Variants in PCAT7 observed in about 807,000 individuals in gnomAD.
PCAT7 encodes the protein prostate cancer associated transcript 7, also known as prostate cancer associated transcript 7 (non-protein coding).
At chr9:94,565,023 T>TAA (rs1827165274) in intron 2 of PCAT7, among the ~76,000 whole-genome samples, 1 of 152,176 alleles carries the variant, frequency 6.6e-6, no homozygotes, top group South Asian at 2.1e-4. Context: ...ATATTATATA[T>TAA]AATGAAACAT....
intron 2 of PCAT7, among the ~76,000 whole-genome samples, chr9:94,561,254 G>C (rs1827094700): frequency 6.6e-6 from 1 of 150,874 alleles, no homozygotes; most frequent in Non-Finnish European, 1.5e-5. Flanking sequence ...AGTTACTTTT[G>C]TTCTGACCTC....
chr9:94,568,200 C>G (rs1827221471), intron 2 of PCAT7: 1 of 151,882 alleles, frequency 6.6e-6, no homozygotes, highest in Admixed American at 6.6e-5. Flanking sequence ...TATTCAGTTT[C>G]TGGTATCCCA....
chr9:94,554,884 A>G (rs1197614889), upstream of PCAT7, among the ~76,000 whole-genome samples: 1 of 152,180 alleles, frequency 6.6e-6, no homozygotes, highest in Non-Finnish European at 1.5e-5. Flanking sequence ...CATAAGTGCC[A>G]GAAATGACGC....
chr9:94,571,996 C>A (rs1390741600), intron 2 of PCAT7, among the ~76,000 whole-genome samples: 1 of 152,150 alleles, frequency 6.6e-6, no homozygotes, highest in Non-Finnish European at 1.5e-5. Flanking sequence ...GCAGATAGCA[C>A]CATCACCTCC....
chr9:94,559,070 C>G (rs748384122), exon 2 of PCAT7: 1 of 1,614,050 alleles, frequency 6.2e-7, no homozygotes, highest in Non-Finnish European at 8.5e-7. Context: ...TCCCCGTGGT[C>G]GCCAAGCCTC....
At chr9:94,560,935 C>G (rs1299369005) in intron 2 of PCAT7, among the ~76,000 whole-genome samples, 1 of 151,894 alleles carries the variant, frequency 6.6e-6, no homozygotes, top group Non-Finnish European at 1.5e-5. Flanking sequence ...AGACCTCTGG[C>G]TCTTAAAGTA....
rs73653486 is a variant in PCAT7, at chr9:94,571,348, T to C, written n.442-1631T>C. 6.2e-3 allele frequency: 7,162 copies of C among 1,155,350 alleles called. 296 individuals carry two copies. The African/African-American group carries it at 0.09, about 15-fold the overall frequency. 71.6% of individuals were successfully genotyped at this position (1,155,350 alleles called of 1,614,324 possible). A position where few individuals can be genotyped will look rare whatever the true frequency, so the allele number is the denominator to read the frequency against. The stretch of plus-strand genomic sequence containing the variant: ...CCCCAAACTAGGCTCTCAGGACCCC[T>C]GGTCCCCAAAACAAGTATTAGGAAT... On this transcript the variant is annotated intron_variant and non_coding_transcript_variant, in intron 2 of 8. Coordinates refer to ENST00000647389, the Ensembl canonical transcript of PCAT7.
intron 2 of PCAT7, chr9:94,567,751 A>G (rs1169279700): frequency 4.6e-6 from 1 of 217,610 alleles, no homozygotes; most frequent in African/African-American, 2.3e-5. Context: ...TCTCACCCGC[A>G]GATTAATGTT....
chr9:94,559,549 G>A (rs76423574), intron 2 of PCAT7, among the ~76,000 whole-genome samples: 5,657 of 152,150 alleles, frequency 0.037, 362 homozygotes, highest in African/African-American at 0.13. Flanking sequence ...GGACAGTAAG[G>A]TCACCTTGAC....
chr9:94,566,394 C>T (rs952473707), intron 2 of PCAT7, among the ~76,000 whole-genome samples: 7 of 152,266 alleles, frequency 4.6e-5, no homozygotes, highest in Admixed American at 1.3e-4. Context: ...AACAATAGCA[C>T]GAGTGATCTG....
intron 2 of PCAT7, among the ~76,000 whole-genome samples, chr9:94,572,379 A>T (rs529158722): frequency 2.2e-4 from 33 of 152,216 alleles, no homozygotes; most frequent in Admixed American, 3.9e-4. Flanking sequence ...TAGATTAGTG[A>T]TTCAAACTGG....
chr9:94,560,117 C>T (rs1827075093), intron 2 of PCAT7, among the ~76,000 whole-genome samples: 1 of 152,146 alleles, frequency 6.6e-6, no homozygotes, highest in African/African-American at 2.4e-5. Flanking sequence ...AGAGCAAGAG[C>T]CTGTCTCAAA....
chr9:94,567,417 T>C (rs373644937), intron 2 of PCAT7: 1 of 1,612,660 alleles, frequency 6.2e-7, no homozygotes. Flanking sequence ...CCTAGCAACA[T>C]GAAGAGAGAT....
chr9:94,559,466 A>G (rs1481506914), intron 2 of PCAT7, among the ~76,000 whole-genome samples: 1 of 151,970 alleles, frequency 6.6e-6, no homozygotes, highest in Non-Finnish European at 1.5e-5. Flanking sequence ...CAAGAAGCAA[A>G]CTGATGCTGC....
Position 94,571,554 on chromosome 9 carries a change from T to G in PCAT7, n.442-1425T>G, listed in dbSNP as rs1269483618. On this transcript the variant is annotated intron_variant and non_coding_transcript_variant, in intron 2 of 8. Transcript: ENST00000647389. ...AGCGCATAACCTGCGGCCACAATAT[T>G]GCGGCCACACTGCAGGGCATCCTTT... 1.9e-6 allele frequency: 3 copies of G among 1,613,954 alleles called. No homozygotes were observed. In the South Asian group the frequency reaches 3.3e-5, roughly 18 times the overall value.
chr9:94,564,854 T>C (rs2131443952), intron 2 of PCAT7, among the ~76,000 whole-genome samples: 1 of 152,258 alleles, frequency 6.6e-6, no homozygotes, highest in Admixed American at 6.5e-5. Context: ...CATAGGAATA[T>C]GTTATAGTGT....
In PCAT7 at chr9:94,573,790, G is replaced by T. The variant is rs148201115; in HGVS notation, n.512+741G>T. Among the ~76,000 whole-genome samples, 520 of 152,214 alleles carry T rather than the reference G, an allele frequency of 3.4e-3. 8 individuals carry two copies. Among genetic ancestry groups the T allele is most frequent in the African/African-American group, 0.011 (444 of 41,560 alleles). On this transcript the variant is annotated intron_variant and non_coding_transcript_variant, in intron 3 of 8. Coordinates refer to ENST00000647389, the Ensembl canonical transcript of PCAT7. ...GAATATTGGTCTGTGGTATTTTTTT[G>T]AACAATCTTTGTCTGGTTTTTGTAT...
intron 2 of PCAT7, chr9:94,569,371 C>T (rs1201032434): frequency 1.3e-5 from 2 of 152,260 alleles, no homozygotes; most frequent in African/African-American, 4.8e-5. Flanking sequence ...AATGCAGTAA[C>T]TCCTTTCACT....
chr9:94,561,294 C>CA (rs1487786821), intron 2 of PCAT7, among the ~76,000 whole-genome samples: 3 of 149,810 alleles, frequency 2.0e-5, no homozygotes, highest in East Asian at 3.9e-4. Flanking sequence ...AATTTAATAT[C>CA]AAAATGCCCA....
Sources: allele counts gnomAD v4.1 joint callset (sites outside exome capture counted in the v4.1 genomes callset), GRCh38; gene constraint gnomAD v4.1.1; transcripts MANE v1.5; gene names NCBI Gene and HGNC (gene_info 2026-07-23, HGNC 2026-07-21).